Variants in ESR1 observed in about 807,000 individuals in gnomAD.
The protein encoded by ESR1 is estrogen receptor.
In ESR1, 12 loss-of-function variants were observed where a neutral mutation model predicts 52.7. The ratio of observed to expected loss-of-function variants is 0.23; its 90% CI spans 0.15 to 0.37. The LOEUF is 0.37. Ranked by LOEUF, ESR1 falls within the 10% of genes least tolerant of loss-of-function variation. ESR1 has a pLI of 1.00. For synonymous variants in ESR1, 305 were observed against 316.8 expected (o/e 0.96, Z 0.39); for missense variants, 584 against 779.7 (o/e 0.75, Z 2.99).
Position 152,098,987 on chromosome 6 carries a change from G to A in ESR1, c.*21G>A, listed in dbSNP as rs139705407. The A allele has an allele frequency of 5.3e-4, 846 of 1,593,018 alleles. No individual in the cohort carries two copies. Among genetic ancestry groups the A allele is most frequent in the African/African-American group, 1.6e-3 (118 of 74,604 alleles). On this transcript the variant is annotated 3_prime_UTR_variant, in exon 8 of 8. Transcript: ENST00000206249. The surrounding 1 kb of genome is among the most constrained non-coding windows in gnomAD (Gnocchi z 5.1). ...TCTGAGAGCTCCCTGGCTCCCACACGGTTCAGATAATCCCTGCTGCATTTT... is the reference window on the plus strand; with the variant it reads ...TCTGAGAGCTCCCTGGCTCCCACACAGTTCAGATAATCCCTGCTGCATTTT...
intron 4 of ESR1, among the ~76,000 whole-genome samples, chr6:152,003,310 C>T (rs1235930385): frequency 6.6e-6 from 1 of 150,568 alleles, no homozygotes; most frequent in East Asian, 2.0e-4. Context: ...AAACAACTTA[C>T]TTGTTAAATG....
At chr6:151,757,494 GA>G (rs1394663935) in intron 2 of ESR1, among the ~76,000 whole-genome samples, 1 of 152,206 alleles carries the variant, frequency 6.6e-6, no homozygotes, top group African/African-American at 2.4e-5. Flanking sequence ...TGAGAGTCTG[GA>G]AGAAATATAT....
chr6:151,911,850 C>T (rs983279651), intron 3 of ESR1, among the ~76,000 whole-genome samples: 1 of 152,186 alleles, frequency 6.6e-6, no homozygotes, highest in Non-Finnish European at 1.5e-5. Flanking sequence ...CATTGAGCAC[C>T]ATGGACATGG....
chr6:151,938,638 C>A (rs1475089607), intron 3 of ESR1, among the ~76,000 whole-genome samples: 1 of 152,146 alleles, frequency 6.6e-6, no homozygotes, highest in African/African-American at 2.4e-5. Flanking sequence ...CCCTCTGTAC[C>A]ATCTCTCTCC....
intron 6 of ESR1, among the ~76,000 whole-genome samples, chr6:152,119,893 G>A (rs932219779): frequency 6.6e-6 from 1 of 152,130 alleles, no homozygotes; most frequent in African/African-American, 2.4e-5. Flanking sequence ...ACGACCTCAT[G>A]GGTTCAATGT....
chr6:151,958,148 G>A (rs796308179), intron 4 of ESR1, among the ~76,000 whole-genome samples: 9 of 152,308 alleles, frequency 5.9e-5, no homozygotes, highest in African/African-American at 1.9e-4. Context: ...TGGATATTTG[G>A]TGGGCAAATA....
intron 3 of ESR1, among the ~76,000 whole-genome samples, chr6:151,886,510 C>A (rs771878643): frequency 6.6e-6 from 1 of 151,842 alleles, no homozygotes; most frequent in African/African-American, 2.4e-5. Flanking sequence ...CAAAAATTAA[C>A]GGGATAATTT....
intron 3 of ESR1, among the ~76,000 whole-genome samples, chr6:151,886,427 CTA>C (rs1173545630): frequency 6.6e-6 from 1 of 152,074 alleles, no homozygotes; most frequent in Admixed American, 6.5e-5. Flanking sequence ...TAATTGTCAA[CTA>C]GTCTTTATTT....
intron 5 of ESR1, among the ~76,000 whole-genome samples, chr6:152,031,770 A>C (rs2044732100): frequency 6.6e-6 from 1 of 152,200 alleles, no homozygotes; most frequent in Non-Finnish European, 1.5e-5. Context: ...AAAAGAGGGA[A>C]TCCTCCCTAA....
At chr6:152,108,344 C>T (rs1032626604) in intron 6 of ESR1, among the ~76,000 whole-genome samples, 1 of 152,230 alleles carries the variant, frequency 6.6e-6, no homozygotes, top group African/African-American at 2.4e-5. Flanking sequence ...GGAGCAGCCC[C>T]AGGCAAGAAT....
chr6:152,043,855 C>T (rs927156238), intron 5 of ESR1, among the ~76,000 whole-genome samples: 1 of 152,206 alleles, frequency 6.6e-6, no homozygotes, highest in East Asian at 1.9e-4. Context: ...TAACAGTAAA[C>T]ACCTGGCAAG....
At chr6:151,982,722 T>C (rs1267901573) in intron 4 of ESR1, among the ~76,000 whole-genome samples, 1 of 151,996 alleles carries the variant, frequency 6.6e-6, no homozygotes, top group East Asian at 1.9e-4. Flanking sequence ...TAATAATATA[T>C]TCATTAATTT....
intron 3 of ESR1, among the ~76,000 whole-genome samples, chr6:151,938,505 T>C (rs2034645167): frequency 6.6e-6 from 1 of 152,206 alleles, no homozygotes; most frequent in Admixed American, 6.5e-5. Context: ...ATTTAAGCAG[T>C]TGATGTGTCT....
At chr6:151,998,042 T>C (rs1326507641) in intron 4 of ESR1, among the ~76,000 whole-genome samples, 85 of 152,178 alleles carry the variant, frequency 5.6e-4, no homozygotes, top group Admixed American at 5.6e-3. Context: ...TTATTATCTC[T>C]GTTTTAAAAT....
chr6:151,994,990 C>A (rs1056209533), intron 4 of ESR1, among the ~76,000 whole-genome samples: 18 of 152,020 alleles, frequency 1.2e-4, no homozygotes, highest in African/African-American at 4.1e-4. Flanking sequence ...AACCATAATG[C>A]CTTTCATATG....
chr6:151,683,567 C>T (rs759472588), intron 1 of ESR1, among the ~76,000 whole-genome samples: 11 of 152,066 alleles, frequency 7.2e-5, no homozygotes, highest in East Asian at 1.9e-4. Context: ...AACTGCAATC[C>T]ATTGGTGGTA....
chr6:151,855,501 C>A (rs939483400), intron 2 of ESR1, among the ~76,000 whole-genome samples: 1 of 152,066 alleles, frequency 6.6e-6, no homozygotes, highest in Admixed American at 6.6e-5. Context: ...CATTCTCTTC[C>A]CTAGAGAGGG....
intron 6 of ESR1, among the ~76,000 whole-genome samples, chr6:152,083,641 A>G (rs183119200): frequency 1.5e-3 from 229 of 152,384 alleles, no homozygotes; most frequent in African/African-American, 5.2e-3. Flanking sequence ...TGCACAGCAA[A>G]GGAAACTATC....
chr6:151,800,462 C>G (rs1021901888), upstream of ESR1, among the ~76,000 whole-genome samples: 2 of 152,170 alleles, frequency 1.3e-5, no homozygotes, highest in African/African-American at 2.4e-5. Context: ...GAAGCCCTAA[C>G]ACTCAATGTG....
Sources: allele counts gnomAD v4.1 joint callset (sites outside exome capture counted in the v4.1 genomes callset), GRCh38; gene constraint gnomAD v4.1.1; non-coding constraint Gnocchi (gnomAD v3.1); transcripts MANE v1.5; gene names NCBI Gene and HGNC (gene_info 2026-07-23, HGNC 2026-07-21).